Variants in PRPF8 observed in about 807,000 individuals in gnomAD.
PRPF8 encodes the protein pre-mRNA-processing-splicing factor 8.
Under a neutral mutation model 285.9 loss-of-function variants are expected in PRPF8, and 64 were observed. The observed-to-expected ratio is 0.22, with a 90% confidence interval of 0.18 to 0.28. PRPF8 has a LOEUF of 0.28. Among genes scored for constraint, PRPF8 ranks in the 10% least tolerant of loss-of-function variants. The pLI, the probability that PRPF8 is intolerant of heterozygous loss-of-function variation, is 1.00. For missense variants in PRPF8, 1,426 were observed against 3,026.7 expected (o/e 0.47, Z 12.41); for synonymous variants, 1,325 against 1,118.2 (o/e 1.18, Z -3.69).
rs121434239 is a variant in PRPF8, at chr17:1,650,909, G to T, written c.6901C>A (p.Pro2301Thr). The change falls in exon 43 of 43, where the codon CCC (proline) becomes ACC (threonine). Residue 2301 changes from proline (P) to threonine (T), a missense_variant. By Grantham distance (38) the Pro-to-Thr change is conservative (BLOSUM62 -1). Transcript: ENST00000304992. ...TGCACCTCGTGGTAGAACTCTTTGG[G>T]GTTCGCCAGCTGTAGCTCATATTTC... ...NMKYELQLANPKEFYHEVHRP... is the reference protein window; with the variant it reads ...NMKYELQLANTKEFYHEVHRP... 6.2e-7 allele frequency: 1 copy of T among 1,614,162 alleles called. No individual in the cohort carries two copies. The highest frequency in any genetic ancestry group is 8.5e-7 in the Non-Finnish European group (1 of 1,180,026).
At position 1,658,954 on chromosome 17, in the gene PRPF8, A is replaced by C. The variant is rs145012576; in HGVS notation, c.5139-191T>G. 2 of 695,526 alleles carry C rather than the reference A, an allele frequency of 2.9e-6. No individual in the cohort carries two copies. Among genetic ancestry groups the C allele is most frequent in the East Asian group, 5.4e-5 (2 of 37,098 alleles). 43.1% of individuals were successfully genotyped at this position (695,526 alleles called of 1,614,324 possible). The stretch of plus-strand genomic sequence containing the variant: ...ATGGGCCACTTCCTCTCACTTAGGT[A>C]AAGTAAAAAAGTATGACTACGTTAA... On this transcript the variant is annotated intron_variant, in intron 32 of 42. Transcript: ENST00000304992. The surrounding 1 kb of genome is among the most constrained non-coding windows in gnomAD (Gnocchi z 4.1).
chr17:1,659,331 A>G lies in PRPF8; in HGVS notation c.5138+26T>C. ...GTGAGCCACTGCGCCTGGCCTGAAA[A>G]TACATGGTCCTGAGCCTCAACTCAC... On this transcript the variant is annotated intron_variant, in intron 32 of 42. Transcript: ENST00000304992. This position sits in a 1 kb window ranked among gnomAD's most constrained non-coding sequence, Gnocchi z 5.1. 6.2e-7 allele frequency: 1 copy of G among 1,613,594 alleles called. No homozygotes were observed. Among genetic ancestry groups the G allele is most frequent in the Non-Finnish European group, 8.5e-7 (1 of 1,179,912 alleles).
At chr17:1,662,249 G>A (rs1273885132) in intron 24 of PRPF8, 96 bp from the exon 25 acceptor site, 2 of 1,396,210 alleles carry the variant, frequency 1.4e-6, no homozygotes, top group Admixed American at 1.8e-5. Flanking sequence ...TACTACTAAA[G>A]AAAGATTTGA....
intron 24 of PRPF8, among the ~76,000 whole-genome samples, chr17:1,669,366 A>C (rs1912182973): frequency 6.6e-6 from 1 of 152,202 alleles, no homozygotes; most frequent in South Asian, 2.1e-4. Flanking sequence ...TGGCCTCCCA[A>C]AGTGCTGGGA....
Position 1,679,694 on chromosome 17 carries a change from T to C in PRPF8, c.1204A>G (p.Ile402Val), listed in dbSNP as rs765282903. Reference protein sequence around the residue: ...PLYTDNTANGIALLWAPRPFN... With the variant: ...PLYTDNTANGVALLWAPRPFN... ...GGCCGCGGGGCCCAGAGCAGGGCAA[T>C]GCCATTGGCTGTATTGTCTGTATAG... The change falls in exon 9 of 43, where the codon ATT becomes GTT. Residue 402 changes from isoleucine to valine, a missense_variant. By Grantham distance (29) the Ile-to-Val change is conservative. Coordinates refer to ENST00000304992, the MANE Select transcript of PRPF8 (RefSeq NM_006445.4). This position sits in a 1 kb window ranked among gnomAD's most constrained non-coding sequence, Gnocchi z 4.7. 1 of 1,614,088 alleles carries C rather than the reference T, an allele frequency of 6.2e-7. No individual in the cohort carries two copies. Among genetic ancestry groups the C allele is most frequent in the Non-Finnish European group, 8.5e-7 (1 of 1,180,024 alleles).
intron 2 of PRPF8, 141 bp downstream of exon 2, chr17:1,684,331 G>A (rs1166270929): frequency 4.6e-6 from 4 of 873,704 alleles, no homozygotes; most frequent in East Asian, 2.6e-5. Context: ...CGCTTAAAAT[G>A]ACTTGATGAA....
At chr17:1,674,710 A>C in intron 20 of PRPF8, 30 bp from the exon 21 acceptor site, 1 of 1,591,058 alleles carries the variant, frequency 6.3e-7, no homozygotes, top group Non-Finnish European at 8.6e-7. Flanking sequence ...ATTCTTAAGA[A>C]TGTGAGCCAT....
chr17:1,677,257 A>G, intron 14 of PRPF8, 85 bp from the exon 15 acceptor site: 1 of 1,326,454 alleles, frequency 7.5e-7, no homozygotes, highest in Non-Finnish European at 1.1e-6. Flanking sequence ...CTCACTCATT[A>G]TGGTTATTAA....
At chr17:1,672,234 T>C (rs181477165) in intron 24 of PRPF8, among the ~76,000 whole-genome samples, 23 of 152,308 alleles carry the variant, frequency 1.5e-4, no homozygotes, top group Admixed American at 1.0e-3. Context: ...AAAAATGTTA[T>C]AGCTAAGAGT....
At chr17:1,672,934 A>G in intron 24 of PRPF8, 147 bp downstream of exon 24, 2 of 789,464 alleles carry the variant, frequency 2.5e-6, no homozygotes, top group East Asian at 2.4e-5. Context: ...CTGACATACT[A>G]TAAGCCACTA....
chr17:1,651,913 C>G lies in PRPF8; in HGVS notation c.6370-125G>C. 3 of 1,237,742 alleles carry G rather than the reference C, an allele frequency of 2.4e-6. No homozygotes were observed. The Admixed American group carries it at 5.2e-5, about 21-fold the overall frequency. 76.7% of individuals were successfully genotyped at this position (1,237,742 alleles called of 1,614,324 possible). ...AGAGTTTCTTAAAACGTGATCAGAA[C>G]CCCCTGTATCAGAATCAGCTGGGGT... On this transcript the variant is annotated intron_variant, in intron 39 of 42. Transcript: ENST00000304992. The surrounding 1 kb of genome is among the most constrained non-coding windows in gnomAD (Gnocchi z 5.1).
At position 1,677,401 on chromosome 17, in the gene PRPF8, G is replaced by C. The variant is rs150301704; in HGVS notation, c.1984+164C>G. 3.5e-6 allele frequency: 4 copies of C among 1,136,684 alleles called. No individual in the cohort carries two copies. The Admixed American group carries it at 7.9e-5, about 23-fold the overall frequency. 70.4% of individuals were successfully genotyped at this position (1,136,684 alleles called of 1,614,324 possible). A position where few individuals can be genotyped will look rare whatever the true frequency, so the allele number is the denominator to read the frequency against. ...ATGACTGCCTCTCAAGGCCCCAGAA[G>C]GAAGCCCAAGAAATAGAATACTAGG... On this transcript the variant is annotated intron_variant, in intron 14 of 42. Coordinates refer to ENST00000304992, the MANE Select transcript of PRPF8 (RefSeq NM_006445.4).
At position 1,673,734 on chromosome 17, in the gene PRPF8, A is replaced by G. The variant is rs761695706; in HGVS notation, c.3446+12T>C. 18 of 1,613,258 alleles carry G rather than the reference A, an allele frequency of 1.1e-5. No homozygotes were observed. Among genetic ancestry groups the G allele is most frequent in the Non-Finnish European group, 1.5e-5 (18 of 1,179,878 alleles). On this transcript the variant is annotated intron_variant, in intron 22 of 42. Coordinates refer to ENST00000304992, the MANE Select transcript of PRPF8 (RefSeq NM_006445.4). This position sits in a 1 kb window ranked among gnomAD's most constrained non-coding sequence, Gnocchi z 5.5. ...TGTCCTTCCAGCTCACACAGCCCCA[A>G]CCTAGACTCACAAGTTAACATCATG... is the stretch of plus-strand genomic sequence containing the variant.
At chr17:1,655,022 G>C in intron 37 of PRPF8, 1 of 318,980 alleles carries the variant, frequency 3.1e-6, no homozygotes, top group East Asian at 7.3e-5. Flanking sequence ...GCAGTGGCAT[G>C]ATCTCGGCTC....
rs771225175 is a variant in PRPF8 at position 1,678,631 on chromosome 17, T to C, written c.1741A>G (p.Ile581Val). The change falls in exon 13 of 43, where the codon ATA (isoleucine) becomes GTA (valine). Residue 581 changes from isoleucine to valine, a missense_variant. Physicochemically the swap from Ile to Val is conservative, Grantham distance 29. Transcript: ENST00000304992. ...AFQLADGLQY[I>V]FAHVGQLTGM... ...GTCAACTGCCCAACATGGGCAAATA[T>C]ATACTGCAATCCATCTGCCAGCTGC... 1.9e-6 allele frequency: 3 copies of C among 1,614,230 alleles called. No homozygotes were observed. The highest frequency in any genetic ancestry group is 1.7e-5 in the Admixed American group (1 of 60,028).
chr17:1,679,282 G>C lies in PRPF8; in HGVS notation c.1409+9C>G, dbSNP rs1192205591. 2 of 1,614,034 alleles carry C rather than the reference G, an allele frequency of 1.2e-6. No individual in the cohort carries two copies. Among genetic ancestry groups the C allele is most frequent in the Non-Finnish European group, 1.7e-6 (2 of 1,180,046 alleles). On this transcript the variant is annotated intron_variant, in intron 10 of 42. Coordinates refer to ENST00000304992, the MANE Select transcript of PRPF8 (RefSeq NM_006445.4). The surrounding 1 kb of genome is among the most constrained non-coding windows in gnomAD (Gnocchi z 4.7). ...CAGAAGTCTGCGCAGGGCCCCTGGG[G>C]CACCTTACCTCTTCTTTTGAGCCTT... is the stretch of plus-strand genomic sequence containing the variant.
At chr17:1,662,669 AG>A (rs1170042675) in intron 24 of PRPF8, among the ~76,000 whole-genome samples, 1 of 151,546 alleles carries the variant, frequency 6.6e-6, no homozygotes, top group Non-Finnish European at 1.5e-5. Flanking sequence ...TGGGAGGCCG[AG>A]GTGGGTGGAT....
chr17:1,679,640 G>A lies in PRPF8; in HGVS notation c.1258C>T (p.Arg420Trp). The A allele has an allele frequency of 2.5e-6, 4 of 1,613,920 alleles. No individual in the cohort carries two copies. The highest frequency in any genetic ancestry group is 2.5e-6 in the Non-Finnish European group (3 of 1,180,004). The change falls in exon 9 of 43, where the codon CGG becomes TGG. Residue 420 changes from arginine (R) to tryptophan (W), a missense_variant. By Grantham distance (101) the Arg-to-Trp change is moderately radical. Around this residue, in one of 34 missense-constraint regions of PRPF8, gnomAD observed 137 missense variants for 161.2 expected, o/e 0.85. Transcript: ENST00000304992. The surrounding 1 kb of genome is among the most constrained non-coding windows in gnomAD (Gnocchi z 4.7). ...PFNLRSGRTRRALDIPLVKNW... is the reference protein window; with the variant it reads ...PFNLRSGRTRWALDIPLVKNW... ...TTGACAAGGGGTATGTCCAGGGCCC[G>A]ACGGGTGCGACCAGAGCGTAGGTTG... is the stretch of plus-strand genomic sequence containing the variant.
chr17:1,667,182 A>G (rs918813622), intron 24 of PRPF8, among the ~76,000 whole-genome samples: 2 of 152,146 alleles, frequency 1.3e-5, no homozygotes, highest in Non-Finnish European at 2.9e-5. Context: ...CAAAAAAAAA[A>G]AGGAGGGCCA....
Sources: allele counts gnomAD v4.1 joint callset (sites outside exome capture counted in the v4.1 genomes callset), GRCh38; gene constraint gnomAD v4.1.1; regional missense constraint gnomAD v4.1.1; non-coding constraint Gnocchi (gnomAD v3.1); transcripts MANE v1.5; gene names NCBI Gene and HGNC (gene_info 2026-07-23, HGNC 2026-07-21).